Variants in SPTBN5 observed in about 807,000 individuals in gnomAD.
The protein encoded by SPTBN5 is spectrin beta, non-erythrocytic 5.
A neutral mutation model predicts 477.6 loss-of-function variants in SPTBN5; 513 were observed. That is an observed-to-expected ratio of 1.07 (90% confidence interval 1.00 to 1.16). The LOEUF (loss-of-function observed/expected upper bound fraction) is 1.16. SPTBN5 is among the 50% of genes most tolerant of loss of function. The pLI is 0.00. For missense variants in SPTBN5, 5,062 were observed against 4,731.8 expected (o/e 1.07, Z -2.05); for synonymous variants, 2,169 against 2,011.7 (o/e 1.08, Z -2.09).
chr15:41,855,392 C>T lies in SPTBN5; in HGVS notation c.9255G>A (p.Glu3085=). The T allele has an allele frequency of 1.9e-6, 3 of 1,604,252 alleles. No individual in the cohort carries two copies. The highest frequency in any genetic ancestry group is 4.5e-5 in the East Asian group (2 of 44,842). ...CCCTCCGCAGCAGCTCTGCGTGGGC[C>T]TCCCGAACTGCCTGCAGCTGGGCTA... is the stretch of plus-strand genomic sequence containing the variant. ...KVLAQLQAVR[E]AHAELLRRAE... is the part of the protein sequence containing the mutation. The change falls in exon 55 of 68, where the codon GAG becomes GAA. Residue 3085 remains glutamate (E), a synonymous_variant. Coordinates refer to ENST00000320955, the MANE Select transcript of SPTBN5 (RefSeq NM_016642.4).
Position 41,848,164 on chromosome 15 carries a change from T to TGTTA in SPTBN5, c.*448_*451dup. ...ACAAATGTGAGGCGCTGAGACCATCTGTTATTACTGCTGAGAAGGGCCATG... is the reference window on the plus strand; with the variant it reads ...ACAAATGTGAGGCGCTGAGACCATCTGTTAGTTATTACTGCTGAGAAGGGCCATG... On this transcript the variant is annotated 3_prime_UTR_variant, in exon 68 of 68. Coordinates refer to ENST00000320955, the MANE Select transcript of SPTBN5 (RefSeq NM_016642.4). 1 of 537,586 alleles carries TGTTA rather than the reference T, an allele frequency of 1.9e-6. No homozygotes were observed. The allele number at this position is 537,586 out of a possible 1,614,324, so 33.3% of individuals were successfully genotyped here.
At chr15:41,859,123 T>A (rs1344114047) in intron 47 of SPTBN5, 143 bp from the exon 48 acceptor site, 1 of 586,518 alleles carries the variant, frequency 1.7e-6, no homozygotes, top group Non-Finnish European at 2.7e-6. Flanking sequence ...TCCCCCTCTG[T>A]ATTTGTGTCT....
intron 14 of SPTBN5, 144 bp from the exon 15 acceptor site, chr15:41,880,008 T>C: frequency 1.4e-6 from 2 of 1,419,592 alleles, no homozygotes; most frequent in South Asian, 2.9e-5. Context: ...TCCGAGTCCT[T>C]AAGGGCCAGG....
chr15:41,876,356 G>C (rs1329046666), intron 20 of SPTBN5, 72 bp from the exon 21 acceptor site: 6 of 1,471,202 alleles, frequency 4.1e-6, no homozygotes, highest in Non-Finnish European at 5.4e-6. Flanking sequence ...CTGCATCTGA[G>C]GGTGGTGTGG....
At chr15:41,882,232 G>GCCCCGCCCCCA in intron 11 of SPTBN5, 37 bp downstream of exon 11, 4 of 1,254,138 alleles carry the variant, frequency 3.2e-6, no homozygotes, top group Non-Finnish European at 4.2e-6. Context: ...GCCTCGCCGG[G>GCCCCGCCCCCA]CCCCGCCCCC....
chr15:41,862,834 C>T lies in SPTBN5; in HGVS notation c.7219G>A (p.Glu2407Lys), dbSNP rs201594061. 577 of 1,588,836 alleles carry T rather than the reference C, an allele frequency of 3.6e-4. 1 individual carries two copies. The African/African-American group carries it at 5.9e-3, about 16-fold the overall frequency. The change falls in exon 42 of 68, where the codon GAG becomes AAG. Residue 2407 changes from glutamate (E) to lysine (K), a missense_variant. Physicochemically the swap from Glu to Lys is moderately conservative, Grantham distance 56 (BLOSUM62 1). Transcript: ENST00000320955. Reference protein sequence around the residue: ...ESVQRLLRKHEELEREVHPIQ... With the variant: ...ESVQRLLRKHKELEREVHPIQ... ...GGGTGCACTTCCCGCTCCAGCTCCT[C>T]GTGTTTCCGCAGCAGCCTCTGCACG...
rs762064279 is a variant in SPTBN5, at chr15:41,855,435, G to A, written c.9219-7C>T. Reference sequence around the variant, plus strand: ...CTGGGCTAGCACCTTGGGGCTGTGGGAAGAGAGCGACAGTCTGGACTGCAG... The same window carrying A: ...CTGGGCTAGCACCTTGGGGCTGTGGAAAGAGAGCGACAGTCTGGACTGCAG... On this transcript the variant is annotated splice_region_variant and splice_polypyrimidine_tract_variant and intron_variant, in intron 54 of 67. Transcript: ENST00000320955. 6 of 1,600,544 alleles carry A rather than the reference G, an allele frequency of 3.7e-6. No individual in the cohort carries two copies. In the East Asian group the frequency reaches 1.1e-4, roughly 30 times the overall value.
At position 41,873,981 on chromosome 15, in the gene SPTBN5, C is replaced by T. The variant is rs750793563; in HGVS notation, c.4754G>A (p.Ser1585Asn). ...QVQRVLSSGR[S>N]LAASGHPQAQ... ...TTGGGGGTGCCCTGAGGCTGCCAGG[C>T]TCCGCCCAGAACTCAGCACCCGTTG... is the stretch of plus-strand genomic sequence containing the variant. Residue 1585 changes from serine to asparagine, a missense_variant, in exon 25 of 68, where the codon AGC becomes AAC. Physicochemically the swap from Ser to Asn is conservative, Grantham distance 46. Transcript: ENST00000320955. 1.2e-6 allele frequency: 2 copies of T among 1,606,086 alleles called. No homozygotes were observed. Among genetic ancestry groups the T allele is most frequent in the Non-Finnish European group, 1.7e-6 (2 of 1,179,776 alleles).
In SPTBN5 at chr15:41,882,636, C is replaced by T. The variant is rs778958671; in HGVS notation, c.1995G>A (p.Ala665=). The T allele has an allele frequency of 5.0e-6, 8 of 1,607,628 alleles. No individual in the cohort carries two copies. In the East Asian group the frequency reaches 9.0e-5, roughly 18 times the overall value. Residue 665 remains alanine (A), a synonymous_variant, in exon 10 of 68, where the codon GCG becomes GCA. Transcript: ENST00000320955. ...LKECGQRVGN[A]ALGRDLSQIA... is the part of the protein sequence containing the mutation. ...TCTGGCTGAGATCCCGGCCCAGGGC[C>T]GCATTCCCCACCCGCTGTCCGCACT...
rs905749350 is a variant in SPTBN5, at chr15:41,873,476, G to C, written c.5007+16C>G. ...TCACCCAGACCACACTGCAGGGGAG[G>C]CTCAGGACGTGGTACCTGGTGCTTG... is the stretch of plus-strand genomic sequence containing the variant. On this transcript the variant is annotated intron_variant, in intron 26 of 67. Transcript: ENST00000320955. 8.4e-5 allele frequency: 129 copies of C among 1,534,992 alleles called. No homozygotes were observed. The highest frequency in any genetic ancestry group is 1.1e-4 in the Non-Finnish European group (126 of 1,132,104).
At chr15:41,863,606 C>A (rs1041504680) in intron 41 of SPTBN5, 98 bp downstream of exon 41, 44 of 924,136 alleles carry the variant, frequency 4.8e-5, no homozygotes, top group Non-Finnish European at 7.0e-5. Flanking sequence ...ACAGGAGAGG[C>A]CAGTGAGGGG....
chr15:41,866,433 G>T lies in SPTBN5; in HGVS notation c.6541C>A (p.Leu2181Met). 2 of 1,610,238 alleles carry T rather than the reference G, an allele frequency of 1.2e-6. No individual in the cohort carries two copies. Among genetic ancestry groups the T allele is most frequent in the Non-Finnish European group, 1.7e-6 (2 of 1,178,350 alleles). Reference sequence around the variant, plus strand: ...AGCAGGGGCTTCAGCTTATCTCTCAGGTCCCCAGGAGGGACCGGCTCCTTC... The same window carrying T: ...AGCAGGGGCTTCAGCTTATCTCTCATGTCCCCAGGAGGGACCGGCTCCTTC... ...QLKEPVPPGD[L>M]RDKLKPLLKH... The change falls in exon 37 of 68, where the codon CTG becomes ATG. Residue 2181 changes from leucine (L) to methionine (M), a missense_variant. By Grantham distance (15) the Leu-to-Met change is conservative. Coordinates refer to ENST00000320955, the MANE Select transcript of SPTBN5 (RefSeq NM_016642.4).
In SPTBN5 at chr15:41,857,314, G is replaced by T. The variant is rs1267159411; in HGVS notation, c.8545C>A (p.Gln2849Lys). 1 of 1,568,678 alleles carries T rather than the reference G, an allele frequency of 6.4e-7. No homozygotes were observed. Residue 2849 changes from glutamine to lysine, a missense_variant, in exon 51 of 68, where the codon CAG becomes AAG. Gln to Lys is a moderately conservative substitution (Grantham distance 53). Transcript: ENST00000320955. Reference sequence around the variant, plus strand: ...CCTTCCCTCACAAAGGCCTGGGCCTGGCCCAGCAGTGCCTCAGCCTGCCTG... The same window carrying T: ...CCTTCCCTCACAAAGGCCTGGGCCTTGCCCAGCAGTGCCTCAGCCTGCCTG... ...KARQAEALLG[Q>K]AQAFVREGHC...
intron 21 of SPTBN5, 92 bp from the exon 22 acceptor site, chr15:41,875,714 A>AG (rs2066701800): frequency 2.2e-6 from 3 of 1,342,668 alleles, no homozygotes; most frequent in African/African-American, 2.9e-5. Context: ...AGTGGAGGTG[A>AG]GGGGGTGACC....
chr15:41,881,212 G>C lies in SPTBN5; in HGVS notation c.2480C>G (p.Pro827Arg). The change falls in exon 13 of 68, where the codon CCA (proline) becomes CGA (arginine). Residue 827 changes from proline (P) to arginine (R), a missense_variant. Physicochemically the swap from Pro to Arg is moderately radical, Grantham distance 103. Coordinates refer to ENST00000320955, the MANE Select transcript of SPTBN5 (RefSeq NM_016642.4). ...CCCTGGGTTCCTCAGGCTTTCTCCT[G>C]GAGGGCTCAGGGCAGAGTTCACCTG... ...LFTVNSALSP[P>R]GESLRNPGPW... The C allele has an allele frequency of 6.2e-7, 1 of 1,611,232 alleles. No homozygotes were observed. Among genetic ancestry groups the C allele is most frequent in the Non-Finnish European group, 8.5e-7 (1 of 1,179,390 alleles).
intron 37 of SPTBN5, 39 bp downstream of exon 37, chr15:41,866,305 A>G (rs1336021340): frequency 1.3e-6 from 2 of 1,570,160 alleles, no homozygotes; most frequent in South Asian, 1.2e-5. Flanking sequence ...CCTGGGCCAC[A>G]CTTTGGGGCA....
In SPTBN5 at chr15:41,856,287, C is replaced by T. The variant is rs141376999; in HGVS notation, c.9021+99G>A. 3.4e-4 allele frequency: 388 copies of T among 1,140,182 alleles called. 3 individuals are homozygous for T. The East Asian group carries it at 9.0e-3, about 26-fold the overall frequency. 70.6% of individuals were successfully genotyped at this position (1,140,182 alleles called of 1,614,324 possible). On this transcript the variant is annotated intron_variant, in intron 53 of 67. Coordinates refer to ENST00000320955, the MANE Select transcript of SPTBN5 (RefSeq NM_016642.4). Reference sequence around the variant, plus strand: ...GCAGGAGACCACTGAGTGGAGGAGACGAAAGGTGCCCAGGCCAGGAGCCCC... The same window carrying T: ...GCAGGAGACCACTGAGTGGAGGAGATGAAAGGTGCCCAGGCCAGGAGCCCC...
intron 9 of SPTBN5, 90 bp downstream of exon 9, chr15:41,882,906 G>C (rs1197691): frequency 0.59 from 815,721 of 1,374,868 alleles, 246,688 homozygotes; most frequent in East Asian, 0.94. Context: ...GAGAAAACTG[G>C]CAGGCCAACA....
chr15:41,860,028 A>G (rs191866482), intron 47 of SPTBN5, among the ~76,000 whole-genome samples: 1 of 152,360 alleles, frequency 6.6e-6, no homozygotes, highest in Admixed American at 6.5e-5. Context: ...AGGGAAAAAG[A>G]ACTGCAGAGC....
Sources: gnomAD v4.1 joint callset for allele counts (sites outside exome capture counted in the v4.1 genomes callset) on GRCh38, gnomAD v4.1.1 for gene constraint, MANE v1.5 for transcripts, NCBI Gene and HGNC (gene_info 2026-07-23, HGNC 2026-07-21) for gene names.